Variants in RIT2 observed in about 807,000 individuals in gnomAD.
The protein encoded by RIT2 is GTP-binding protein Rit2.
In RIT2, 24 loss-of-function variants were observed where a neutral mutation model predicts 23.7. The ratio of observed to expected loss-of-function variants is 1.01; its 90% CI spans 0.73 to 1.43. The LOEUF (loss-of-function observed/expected upper bound fraction) is 1.43, where lower values mean the gene tolerates loss of function less well. Among genes scored for constraint, RIT2 ranks in the 40% most tolerant of loss-of-function variants. The pLI is 0.00. For missense variants in RIT2, 236 were observed against 266.9 expected, an observed-to-expected ratio of 0.88 and a Z score of 0.81; for synonymous variants, 107 against 91.1, an observed-to-expected ratio of 1.17 and a Z score of -0.99.
intron 4 of RIT2, among the ~76,000 whole-genome samples, chr18:42,895,920 A>T (rs906926118): frequency 6.6e-6 from 1 of 152,228 alleles, no homozygotes; most frequent in Non-Finnish European, 1.5e-5. Context: ...GATAGAAACC[A>T]GGAAGATGGG....
At chr18:42,902,520 TA>T (rs1440076974) in intron 4 of RIT2, among the ~76,000 whole-genome samples, 1 of 151,580 alleles carries the variant, frequency 6.6e-6, no homozygotes, top group Non-Finnish European at 1.5e-5. Context: ...TTACATATAT[TA>T]TTTTTTATAT....
At chr18:43,001,560 T>C (rs901017407) in intron 2 of RIT2, among the ~76,000 whole-genome samples, 1 of 152,008 alleles carries the variant, frequency 6.6e-6, no homozygotes, top group South Asian at 2.1e-4. Context: ...TTTTAAGATA[T>C]TTTTCCCATC....
chr18:43,044,233 G>A (rs575362921), intron 1 of RIT2, among the ~76,000 whole-genome samples: 11 of 152,274 alleles, frequency 7.2e-5, no homozygotes, highest in Middle Eastern at 3.4e-3. Context: ...CTGAAAGAAT[G>A]TTGAATCAGA....
chr18:43,089,006 T>G (rs1443994272), intron 1 of RIT2, among the ~76,000 whole-genome samples: 1 of 152,104 alleles, frequency 6.6e-6, no homozygotes, highest in Non-Finnish European at 1.5e-5. Context: ...GATAGTTGTG[T>G]GTGTACACAT....
chr18:42,743,733 C>T lies in RIT2; in HGVS notation c.427-13G>A. On this transcript the variant is annotated splice_polypyrimidine_tract_variant and intron_variant, in intron 4 of 4. Coordinates refer to ENST00000326695, the MANE Select transcript of RIT2 (RefSeq NM_002930.4). The stretch of plus-strand genomic sequence containing the variant: ...CTTCTGTAGAAACCTAAGGAAAAAA[C>T]AAATAATATTAAAAAGACAGAAAGA... 3 of 1,546,616 alleles carry T rather than the reference C, an allele frequency of 1.9e-6. No homozygotes were observed. The highest frequency in any genetic ancestry group is 2.7e-6 in the Non-Finnish European group (3 of 1,129,074).
intron 4 of RIT2, among the ~76,000 whole-genome samples, chr18:42,820,825 G>A (rs758486297): frequency 6.6e-6 from 1 of 152,192 alleles, no homozygotes; most frequent in East Asian, 1.9e-4. Flanking sequence ...CACTGATATA[G>A]TTTGGGTGTA....
chr18:43,108,316 A>G (rs1913876854), intron 1 of RIT2, among the ~76,000 whole-genome samples: 1 of 152,018 alleles, frequency 6.6e-6, no homozygotes, highest in South Asian at 2.1e-4. Context: ...TAGGTTCATC[A>G]TTTAATATCT....
intron 1 of RIT2, among the ~76,000 whole-genome samples, chr18:43,058,642 T>C (rs1174154561): frequency 2.6e-5 from 4 of 152,102 alleles, no homozygotes; most frequent in Non-Finnish European, 5.9e-5. Context: ...ATTCCAGCAC[T>C]TTGGGAGGCC....
At chr18:42,815,324 C>G (rs1198491150) in intron 4 of RIT2, among the ~76,000 whole-genome samples, 1 of 152,118 alleles carries the variant, frequency 6.6e-6, no homozygotes, top group African/African-American at 2.4e-5. Context: ...ATGCAAACTG[C>G]TCTGGAAAGT....
At chr18:42,847,027 G>A (rs955760437) in intron 4 of RIT2, among the ~76,000 whole-genome samples, 3 of 151,978 alleles carry the variant, frequency 2.0e-5, no homozygotes, top group Non-Finnish European at 2.9e-5. Flanking sequence ...GGTTACATAC[G>A]CCTCTTTCTC....
At chr18:43,050,162 G>A (rs61373003) in intron 1 of RIT2, among the ~76,000 whole-genome samples, 1 of 151,156 alleles carries the variant, frequency 6.6e-6, no homozygotes, top group East Asian at 2.0e-4. Context: ...TAGTAGCTGA[G>A]AGTGCAAGTG....
At chr18:43,055,990 T>C (rs1182131927) in intron 1 of RIT2, among the ~76,000 whole-genome samples, 1 of 152,094 alleles carries the variant, frequency 6.6e-6, no homozygotes, top group Non-Finnish European at 1.5e-5. Flanking sequence ...ACCTAAGCCC[T>C]CAGTTTTTCT....
At position 42,951,592 on chromosome 18, in the gene RIT2, G is replaced by GA. The variant is rs575305060; in HGVS notation, c.234+22481dup. ...TGAATCTAAAATAAAAGTTAAAAAA[G>GA]AAAAAAATATATATATATATAAACA... is the stretch of plus-strand genomic sequence containing the variant. On this transcript the variant is annotated intron_variant, in intron 3 of 4. Coordinates refer to ENST00000326695, the MANE Select transcript of RIT2 (RefSeq NM_002930.4). 6.7e-3 allele frequency among the ~76,000 whole-genome samples: 971 copies of GA among 144,612 alleles called. 11 individuals carry two copies. The highest frequency in any genetic ancestry group is 0.024 in the African/African-American group (908 of 37,152). The allele number at this position is 144,612 out of a possible 152,430, so 94.9% of individuals were successfully genotyped here. A position where few individuals can be genotyped will look rare whatever the true frequency, so the allele number is the denominator to read the frequency against.
intron 4 of RIT2, among the ~76,000 whole-genome samples, chr18:42,794,337 G>C (rs1372625006): frequency 6.6e-6 from 1 of 152,110 alleles, no homozygotes; most frequent in African/African-American, 2.4e-5. Context: ...TCAATCATTG[G>C]AATCTTCATT....
intron 4 of RIT2, among the ~76,000 whole-genome samples, chr18:42,897,739 CATAAT>C (rs1330904175): frequency 1.3e-5 from 2 of 151,908 alleles, no homozygotes; most frequent in African/African-American, 2.4e-5. Context: ...AAAACTCAAA[CATAAT>C]ATAACTAGAC....
chr18:43,046,183 G>A (rs1912242973), intron 1 of RIT2, among the ~76,000 whole-genome samples: 1 of 152,044 alleles, frequency 6.6e-6, no homozygotes, highest in Non-Finnish European at 1.5e-5. Flanking sequence ...AATAATCAAT[G>A]TGACAATTAC....
chr18:42,845,500 T>A (rs1202655085), intron 4 of RIT2, among the ~76,000 whole-genome samples: 1 of 150,716 alleles, frequency 6.6e-6, no homozygotes, highest in Non-Finnish European at 1.5e-5. Context: ...TGAGGAACAC[T>A]ATTGACAAAC....
chr18:42,963,478 C>A (rs1329083714), intron 3 of RIT2, among the ~76,000 whole-genome samples: 1 of 152,126 alleles, frequency 6.6e-6, no homozygotes, highest in African/African-American at 2.4e-5. Context: ...CTTTGACTAT[C>A]TTTCCAAAAG....
At chr18:42,851,564 G>A (rs1002008810) in intron 4 of RIT2, among the ~76,000 whole-genome samples, 1 of 152,080 alleles carries the variant, frequency 6.6e-6, no homozygotes, top group Non-Finnish European at 1.5e-5. Flanking sequence ...TTAAAAGGTA[G>A]GTAAAGGGCT....
Sources: gnomAD v4.1 joint callset for allele counts (sites outside exome capture counted in the v4.1 genomes callset) on GRCh38, gnomAD v4.1.1 for gene constraint, MANE v1.5 for transcripts, NCBI Gene and HGNC (gene_info 2026-07-23, HGNC 2026-07-21) for gene names.